NTRK3: variants seen among roughly 807,000 people sequenced by gnomAD.
The protein encoded by NTRK3 is NT-3 growth factor receptor.
NTRK3 carries 24 observed loss-of-function variants against 91.7 expected under a neutral mutation model. That is an observed-to-expected ratio of 0.26 (90% CI 0.19 to 0.37). The LOEUF (loss-of-function observed/expected upper bound fraction) is 0.37. Among genes scored for constraint, NTRK3 ranks in the 10% least tolerant of loss-of-function variants. The probability of loss-of-function intolerance (pLI) is 1.00; values close to 1 mark genes in which losing one functional copy is unlikely to be tolerated. For synonymous variants in NTRK3, 483 were observed against 404.0 expected, an observed-to-expected ratio of 1.20 and a Z score of -2.34; for missense variants, 880 against 1,068.9, an observed-to-expected ratio of 0.82 and a Z score of 2.46.
At chr15:88,148,914 G>C (rs1284968952) in intron 5 of NTRK3, among the ~76,000 whole-genome samples, 1 of 152,106 alleles carries the variant, frequency 6.6e-6, no homozygotes, top group African/African-American at 2.4e-5. Context: ...AGGAGAGAAA[G>C]AGAAGTGAGT....
At chr15:87,984,122 A>T (rs1433873452) in intron 14 of NTRK3, among the ~76,000 whole-genome samples, 1 of 152,164 alleles carries the variant, frequency 6.6e-6, no homozygotes, top group Non-Finnish European at 1.5e-5. Flanking sequence ...ATGAGTATGG[A>T]GAGATGGATA....
At chr15:88,122,584 G>C (rs1304118079) in intron 13 of NTRK3, among the ~76,000 whole-genome samples, 2 of 152,120 alleles carry the variant, frequency 1.3e-5, no homozygotes, top group Non-Finnish European at 2.9e-5. Flanking sequence ...AAAACAGTAA[G>C]TCATTTATTC....
intron 3 of NTRK3, among the ~76,000 whole-genome samples, chr15:88,214,906 G>A (rs901236253): frequency 6.6e-6 from 1 of 152,198 alleles, no homozygotes; most frequent in Non-Finnish European, 1.5e-5. Flanking sequence ...TAGAGCAGTG[G>A]CTGGCAGGTG....
intron 14 of NTRK3, among the ~76,000 whole-genome samples, chr15:87,946,584 C>A (rs1383182811): frequency 6.6e-6 from 1 of 152,100 alleles, no homozygotes; most frequent in Non-Finnish European, 1.5e-5. Context: ...CTGCCACCAC[C>A]AGCAGCCCTG....
intron 13 of NTRK3, among the ~76,000 whole-genome samples, chr15:88,063,391 T>C (rs190982595): frequency 7.9e-5 from 12 of 152,342 alleles, no homozygotes; most frequent in African/African-American, 2.6e-4. Context: ...TTCCAATCTG[T>C]CTGAAGACAG....
chr15:88,200,969 T>C lies in NTRK3; in HGVS notation c.249-16670A>G, dbSNP rs184927508. 2.3e-3 allele frequency among the ~76,000 whole-genome samples: 346 copies of C among 152,316 alleles called. 6 individuals are homozygous for C. In the East Asian group the frequency reaches 0.023, roughly 10 times the overall value. ...CAGCGAGCACACCATCATCTTTCCTTTTCCTGGCAGAGGGACTCAAGTCCT... is the reference window on the plus strand; with the variant it reads ...CAGCGAGCACACCATCATCTTTCCTCTTCCTGGCAGAGGGACTCAAGTCCT... On this transcript the variant is annotated intron_variant, in intron 3 of 18. Transcript: ENST00000394480.
intron 17 of NTRK3, among the ~76,000 whole-genome samples, chr15:87,892,083 A>AACACACACACACACACACACAC (rs58946187): frequency 7.1e-6 from 1 of 141,344 alleles, no homozygotes; most frequent in African/African-American, 2.8e-5. Flanking sequence ...CCCCATCCCC[A>AACACACACACACACACACACAC]ACACACACAC....
chr15:88,069,519 A>C (rs1440764448), intron 13 of NTRK3, among the ~76,000 whole-genome samples: 1 of 152,196 alleles, frequency 6.6e-6, no homozygotes, highest in African/African-American at 2.4e-5. Flanking sequence ...GGGTGTAGGC[A>C]GAGCTACACC....
At chr15:88,205,083 G>A (rs1030357172) in intron 3 of NTRK3, among the ~76,000 whole-genome samples, 1 of 152,182 alleles carries the variant, frequency 6.6e-6, no homozygotes, top group Non-Finnish European at 1.5e-5. Context: ...TGGAGAGAAA[G>A]AAGAAAACAA....
intron 14 of NTRK3, among the ~76,000 whole-genome samples, chr15:88,010,373 G>T (rs1479342132): frequency 6.6e-6 from 1 of 152,110 alleles, no homozygotes; most frequent in African/African-American, 2.4e-5. Flanking sequence ...CTCATTCTGG[G>T]TGAATTCATT....
chr15:88,043,879 C>A (rs79835811), intron 13 of NTRK3, among the ~76,000 whole-genome samples: 3,164 of 152,208 alleles, frequency 0.021, 51 homozygotes, highest in Middle Eastern at 0.061. Flanking sequence ...AGATATGTCA[C>A]CCACAGTTGT....
At position 87,983,871 on chromosome 15, in the gene NTRK3, C is replaced by T. The variant is rs540199453; in HGVS notation, c.1586-43118G>A. On this transcript the variant is annotated intron_variant, in intron 14 of 18. Coordinates refer to ENST00000394480, the Ensembl canonical transcript of NTRK3. Reference sequence around the variant, plus strand: ...CAGGGCTTTCTTACCTTATTAACAGCTTCCTTAGTTAGGAAGGTAAGCAGC... The same window carrying T: ...CAGGGCTTTCTTACCTTATTAACAGTTTCCTTAGTTAGGAAGGTAAGCAGC... 2.2e-4 allele frequency among the ~76,000 whole-genome samples: 34 copies of T among 152,266 alleles called. No individual in the cohort carries two copies. The South Asian group carries it at 6.8e-3, about 31-fold the overall frequency.
chr15:88,245,615 C>T (rs939411963), intron 3 of NTRK3, among the ~76,000 whole-genome samples: 9 of 152,118 alleles, frequency 5.9e-5, no homozygotes, highest in Middle Eastern at 3.2e-3. Flanking sequence ...GCAAGAAGAA[C>T]AGATGAGGGC....
At chr15:87,868,943 G>C (rs2064756782) in exon 19 of NTRK3, 2 of 227,048 alleles carry the variant, frequency 8.8e-6, no homozygotes, top group African/African-American at 4.4e-5. Flanking sequence ...TCATGACCTT[G>C]TTGCAATGGG....
chr15:88,113,858 G>A (rs1178802693), intron 13 of NTRK3, among the ~76,000 whole-genome samples: 1 of 140,868 alleles, frequency 7.1e-6, no homozygotes, highest in African/African-American at 2.6e-5. Flanking sequence ...GAAAAAGTTG[G>A]CAAATTCCTG....
At chr15:88,159,342 C>A (rs1399432785) in intron 5 of NTRK3, among the ~76,000 whole-genome samples, 1 of 152,214 alleles carries the variant, frequency 6.6e-6, no homozygotes, top group East Asian at 1.9e-4. Context: ...GGAACACAAG[C>A]CAAGTGTGGA....
intron 14 of NTRK3, among the ~76,000 whole-genome samples, chr15:87,996,321 G>C (rs1253179142): frequency 6.6e-6 from 1 of 152,150 alleles, no homozygotes. Flanking sequence ...GATTGGGCTT[G>C]CAGGCTATAG....
chr15:88,138,534 A>G (rs1025595454), intron 6 of NTRK3, among the ~76,000 whole-genome samples: 1 of 152,080 alleles, frequency 6.6e-6, no homozygotes, highest in African/African-American at 2.4e-5. Flanking sequence ...ATTCTCCATC[A>G]TCTCTGACCT....
At chr15:88,201,672 T>C (rs1183440309) in intron 3 of NTRK3, among the ~76,000 whole-genome samples, 3 of 152,124 alleles carry the variant, frequency 2.0e-5, no homozygotes, top group African/African-American at 7.2e-5. Flanking sequence ...AGGTTGAGTC[T>C]CTGCTGTTCC....
Sources: allele counts gnomAD v4.1 joint callset (sites outside exome capture counted in the v4.1 genomes callset), GRCh38; gene constraint gnomAD v4.1.1; transcripts MANE v1.5; gene names NCBI Gene and HGNC (gene_info 2026-07-23, HGNC 2026-07-21).